DLGAP1: variants seen among roughly 807,000 people sequenced by gnomAD.
The protein encoded by DLGAP1 is DLG associated protein 1, also known as disks large-associated protein 1.
DLGAP1 carries 11 observed loss-of-function variants against 90.8 expected under a neutral mutation model. That is an observed-to-expected ratio of 0.12 (90% CI 0.08 to 0.20). The LOEUF (loss-of-function observed/expected upper bound fraction) is 0.20, where lower values mean the gene tolerates loss of function less well. Among genes scored for constraint, DLGAP1 ranks in the 10% least tolerant of loss-of-function variants. The probability of loss-of-function intolerance (pLI) is 1.00; values close to 1 mark genes in which losing one functional copy is unlikely to be tolerated. For missense variants in DLGAP1, 1,050 were observed against 1,333.8 expected (o/e 0.79, Z 3.31); for synonymous variants, 558 against 540.7 (o/e 1.03, Z -0.44).
At position 3,920,099 on chromosome 18, in the gene DLGAP1, T is replaced by C. The variant is rs144243476; in HGVS notation, c.-72-39959A>G. 9.9e-3 allele frequency among the ~76,000 whole-genome samples: 1,510 copies of C among 152,210 alleles called. 26 individuals carry two copies. The highest frequency in any genetic ancestry group is 0.035 in the African/African-American group (1,447 of 41,526). The stretch of plus-strand genomic sequence containing the variant: ...GGCTCATGCCTGTAATCCTAGCACT[T>C]TGGGAGGCCGAGGCGGGCAGATCAC... On this transcript the variant is annotated intron_variant, in intron 3 of 12. Coordinates refer to ENST00000315677, the MANE Select transcript of DLGAP1 (RefSeq NM_004746.4).
intron 1 of DLGAP1, among the ~76,000 whole-genome samples, chr18:4,157,913 C>A (rs1472955121): frequency 1.3e-5 from 2 of 148,756 alleles, no homozygotes; most frequent in Non-Finnish European, 3.0e-5. Flanking sequence ...TTTTAAGAAA[C>A]ACAGATGACC....
chr18:4,041,019 C>T (rs1169777461), intron 2 of DLGAP1, among the ~76,000 whole-genome samples: 2 of 152,166 alleles, frequency 1.3e-5, no homozygotes, highest in African/African-American at 4.8e-5. Context: ...CATTTCCACG[C>T]CCTTGGTACA....
intron 4 of DLGAP1, chr18:3,874,333 G>C (rs1181203547): frequency 5.9e-6 from 9 of 1,521,142 alleles, no homozygotes; most frequent in African/African-American, 1.4e-5. Flanking sequence ...ACCGCGGAGA[G>C]AGCGTTTTGT....
chr18:3,801,833 C>T (rs2066307824), intron 5 of DLGAP1, among the ~76,000 whole-genome samples: 1 of 152,056 alleles, frequency 6.6e-6, no homozygotes, highest in Non-Finnish European at 1.5e-5. Context: ...AGAATGACTG[C>T]TGAGATGTTA....
chr18:4,221,658 T>A (rs2078079725), intron 1 of DLGAP1, among the ~76,000 whole-genome samples: 1 of 152,176 alleles, frequency 6.6e-6, no homozygotes, highest in South Asian at 2.1e-4. Context: ...CACGGTAGTT[T>A]GAGCACAAAA....
intron 7 of DLGAP1, among the ~76,000 whole-genome samples, chr18:3,640,307 T>C (rs2058891942): frequency 6.6e-6 from 1 of 152,158 alleles, no homozygotes; most frequent in South Asian, 2.1e-4. Flanking sequence ...CCTTGATCTA[T>C]AGCCCAAGCA....
intron 3 of DLGAP1, among the ~76,000 whole-genome samples, chr18:3,990,628 T>TATA (rs77930009): frequency 0.16 from 22,720 of 143,080 alleles, 2,054 homozygotes; most frequent in East Asian, 0.24. Flanking sequence ...AAACTTAAAA[T>TATA]ATAATAATAA....
chr18:4,418,896 T>C (rs1015790708), intron 1 of DLGAP1, among the ~76,000 whole-genome samples: 2 of 150,932 alleles, frequency 1.3e-5, no homozygotes, highest in African/African-American at 2.4e-5. Context: ...CAAAGCATGA[T>C]AGATAAAAAG....
chr18:3,562,881 T>C (rs912092565), intron 9 of DLGAP1, among the ~76,000 whole-genome samples: 1 of 152,166 alleles, frequency 6.6e-6, no homozygotes. Context: ...GAGGCTGGAA[T>C]GCAGTGGTGT....
chr18:3,728,236 G>A (rs958866028), intron 7 of DLGAP1, among the ~76,000 whole-genome samples: 4 of 150,414 alleles, frequency 2.7e-5, no homozygotes, highest in African/African-American at 9.7e-5. Flanking sequence ...TTGAAGTTAT[G>A]CTGAGTTCAA....
chr18:4,235,697 T>C (rs1219149745), intron 1 of DLGAP1, among the ~76,000 whole-genome samples: 2 of 151,416 alleles, frequency 1.3e-5, no homozygotes, highest in African/African-American at 2.4e-5. Flanking sequence ...GTTTACAGTT[T>C]TATAAATTTC....
intron 1 of DLGAP1, among the ~76,000 whole-genome samples, chr18:4,408,734 G>A (rs1043331063): frequency 4.4e-5 from 6 of 135,056 alleles, no homozygotes; most frequent in Non-Finnish European, 7.4e-5. Flanking sequence ...AAAAATTAAA[G>A]TAATAACATA....
chr18:4,184,872 T>C (rs993811938), intron 1 of DLGAP1, among the ~76,000 whole-genome samples: 1 of 152,128 alleles, frequency 6.6e-6, no homozygotes, highest in African/African-American at 2.4e-5. Flanking sequence ...AGGCCTGAAC[T>C]ATATGCACCT....
At chr18:3,611,038 G>A (rs1296320118) in intron 7 of DLGAP1, among the ~76,000 whole-genome samples, 2 of 151,340 alleles carry the variant, frequency 1.3e-5, no homozygotes, top group Non-Finnish European at 2.9e-5. Flanking sequence ...AGGCTGAGGC[G>A]GGAGGATTGC....
chr18:3,972,062 G>A (rs2073461219), intron 3 of DLGAP1, among the ~76,000 whole-genome samples: 1 of 152,158 alleles, frequency 6.6e-6, no homozygotes. Flanking sequence ...TAACAATCCT[G>A]TAATGTGTAA....
chr18:4,313,194 A>G (rs1444130383), intron 1 of DLGAP1, among the ~76,000 whole-genome samples: 1 of 152,220 alleles, frequency 6.6e-6, no homozygotes, highest in East Asian at 1.9e-4. Flanking sequence ...TTGTATCAGA[A>G]GACAGACCAT....
intron 5 of DLGAP1, among the ~76,000 whole-genome samples, chr18:3,770,743 A>C (rs2064492428): frequency 6.6e-6 from 1 of 152,218 alleles, no homozygotes; most frequent in African/African-American, 2.4e-5. Flanking sequence ...TTGTGAGTGA[A>C]ATGGAAACAT....
intron 7 of DLGAP1, among the ~76,000 whole-genome samples, chr18:3,672,411 C>G (rs905848402): frequency 7.0e-4 from 107 of 151,788 alleles, no homozygotes; most frequent in African/African-American, 2.4e-3. Flanking sequence ...AACGTCATCT[C>G]TACTAAAAAT....
intron 2 of DLGAP1, among the ~76,000 whole-genome samples, chr18:4,118,640 C>A (rs2144083517): frequency 1.6e-5 from 1 of 62,158 alleles, no homozygotes; most frequent in East Asian, 4.0e-4. Flanking sequence ...ACTGTAGCCC[C>A]AGGCTGGGGA....
Sources: allele counts gnomAD v4.1 joint callset (sites outside exome capture counted in the v4.1 genomes callset), GRCh38; gene constraint gnomAD v4.1.1; transcripts MANE v1.5; gene names NCBI Gene and HGNC (gene_info 2026-07-23, HGNC 2026-07-21).